GABPB1: variants seen among roughly 807,000 people sequenced by gnomAD.
The protein encoded by GABPB1 is GA binding protein transcription factor subunit beta 1, also known as GA-binding protein subunit beta-1.
A neutral mutation model predicts 45.9 loss-of-function variants in GABPB1; 15 were observed. That is an observed-to-expected ratio of 0.33 (90% CI 0.22 to 0.50). The LOEUF (loss-of-function observed/expected upper bound fraction) is 0.50. Among genes scored for constraint, GABPB1 ranks in the 20% least tolerant of loss-of-function variants. GABPB1 has a pLI of 0.98. For missense variants in GABPB1, 252 were observed against 457.5 expected, an observed-to-expected ratio of 0.55 and a Z score of 4.10; for synonymous variants, 143 against 154.4, an observed-to-expected ratio of 0.93 and a Z score of 0.55.
At chr15:50,318,477 C>G (rs2047429996) in intron 1 of GABPB1, among the ~76,000 whole-genome samples, 1 of 151,954 alleles carries the variant, frequency 6.6e-6, no homozygotes, top group African/African-American at 2.4e-5. Context: ...ATGTATCTCC[C>G]ATATACCCCT....
chr15:50,289,662 G>A lies in GABPB1; in HGVS notation c.704C>T (p.Ala235Val). ...LSNSSETPVV[A>V]TEEVVTAESV... ...TTCTGCAGTAACTACTTCTTCTGTG[G>A]CCACTACTGGAAAAAAAAAAAAGAA... Residue 235 changes from alanine (A) to valine (V), a missense_variant, in exon 7 of 9, where the codon GCC (alanine) becomes GTC (valine). Coordinates refer to ENST00000380877, the MANE Select transcript of GABPB1 (RefSeq NM_016654.5). 1 of 1,598,062 alleles carries A rather than the reference G, an allele frequency of 6.3e-7. No homozygotes were observed. Among genetic ancestry groups the A allele is most frequent in the South Asian group, 1.1e-5 (1 of 88,124 alleles).
chr15:50,294,970 GGAA>G (rs780669333), intron 6 of GABPB1, among the ~76,000 whole-genome samples: 116 of 152,238 alleles, frequency 7.6e-4, no homozygotes, highest in Non-Finnish European at 5.4e-4. Flanking sequence ...TGTACCACAA[GGAA>G]GAATAAAGCT....
At chr15:50,312,873 AT>A (rs542854189) in intron 1 of GABPB1, among the ~76,000 whole-genome samples, 216 of 151,934 alleles carry the variant, frequency 1.4e-3, no homozygotes, top group Non-Finnish European at 2.1e-3. Context: ...TCTTTTTTTT[AT>A]TGATTTGTAA....
At chr15:50,345,856 C>T (rs995998747) in intron 1 of GABPB1, among the ~76,000 whole-genome samples, 4 of 152,172 alleles carry the variant, frequency 2.6e-5, no homozygotes, top group African/African-American at 7.2e-5. Flanking sequence ...GAACTACAGG[C>T]GCTCGCCACC....
chr15:50,287,840 A>G (rs906875198), intron 7 of GABPB1, among the ~76,000 whole-genome samples: 1 of 152,244 alleles, frequency 6.6e-6, no homozygotes, highest in African/African-American at 2.4e-5. Flanking sequence ...ATTTCAGCAG[A>G]GTGGGACAGA....
chr15:50,351,864 A>G (rs928216871), intron 1 of GABPB1: 2 of 152,236 alleles, frequency 1.3e-5, no homozygotes, highest in African/African-American at 4.8e-5. Context: ...CATCTTCAGA[A>G]AACTATAATA....
intron 2 of GABPB1, among the ~76,000 whole-genome samples, 192 bp downstream of exon 2, chr15:50,309,499 A>G (rs2047056406): frequency 6.6e-6 from 1 of 152,230 alleles, no homozygotes; most frequent in African/African-American, 2.4e-5. Flanking sequence ...ATATTTGGAT[A>G]AGGTTGTCCA....
Position 50,303,058 on chromosome 15 carries a change from G to A in GABPB1, c.342C>T (p.His114=), listed in dbSNP as rs768306834. ...KMTALHWATE[H]NHQEVVELLI... is the part of the protein sequence containing the mutation. The stretch of plus-strand genomic sequence containing the variant: ...AAAGTTCCACCACCTCTTGATGATT[G>A]TGTTCTGTGGCCCAATGGAGAGCTG... Residue 114 remains histidine (H), a synonymous_variant, in exon 4 of 9, where the codon CAC becomes CAT. Transcript: ENST00000380877. The A allele has an allele frequency of 3.1e-6, 5 of 1,613,686 alleles. No individual in the cohort carries two copies. The Admixed American group carries it at 8.3e-5, about 27-fold the overall frequency.
intron 1 of GABPB1, among the ~76,000 whole-genome samples, chr15:50,329,343 T>C (rs1237372036): frequency 1.3e-5 from 2 of 152,250 alleles, no homozygotes; most frequent in African/African-American, 4.8e-5. Flanking sequence ...ACATTTATAA[T>C]TCAGGTTCAA....
At chr15:50,291,504 T>C (rs796565603) in intron 6 of GABPB1, among the ~76,000 whole-genome samples, 1 of 151,530 alleles carries the variant, frequency 6.6e-6, no homozygotes, top group East Asian at 1.9e-4. Context: ...TTTTTTTGTA[T>C]TTTTAGTAGA....
intron 8 of GABPB1, 64 bp from the exon 9 acceptor site, chr15:50,278,848 C>T (rs2140957133): frequency 1.6e-6 from 2 of 1,272,318 alleles, no homozygotes; most frequent in East Asian, 5.0e-5. Context: ...TACATATAAG[C>T]ATGCATCCTT....
At chr15:50,296,108 A>C (rs886987059) in intron 6 of GABPB1, among the ~76,000 whole-genome samples, 11 of 152,246 alleles carry the variant, frequency 7.2e-5, no homozygotes, top group African/African-American at 2.4e-4. Flanking sequence ...GACTATCACA[A>C]TTGCCTTCTC....
intron 8 of GABPB1, among the ~76,000 whole-genome samples, chr15:50,284,515 T>C (rs2046092512): frequency 6.6e-6 from 1 of 152,212 alleles, no homozygotes; most frequent in Admixed American, 6.5e-5. Context: ...CAATTCATAC[T>C]TCCCTGTTAT....
At chr15:50,322,104 G>C (rs745428004) in intron 1 of GABPB1, among the ~76,000 whole-genome samples, 2 of 152,150 alleles carry the variant, frequency 1.3e-5, no homozygotes, top group Admixed American at 6.5e-5. Context: ...GACCTGCCCA[G>C]TTAGCATAGA....
At position 50,276,545 on chromosome 15, in the gene GABPB1, C is replaced by T. The variant is rs2045840765; in HGVS notation, c.*2087G>A. 1.3e-5 allele frequency: 2 copies of T among 149,298 alleles called. No individual in the cohort carries two copies. Among genetic ancestry groups the T allele is most frequent in the Admixed American group, 1.3e-4 (2 of 15,234 alleles). The allele number at this position is 149,298 out of a possible 1,614,324, so 9.2% of individuals were successfully genotyped here. On this transcript the variant is annotated 3_prime_UTR_variant, in exon 9 of 9. Coordinates refer to ENST00000380877, the MANE Select transcript of GABPB1 (RefSeq NM_016654.5). Reference sequence around the variant, plus strand: ...CACCAATTATTTTCTCCCATCTATGCCAGCTGTTGTTATTAGGAATCAAAA... The same window carrying T: ...CACCAATTATTTTCTCCCATCTATGTCAGCTGTTGTTATTAGGAATCAAAA...
chr15:50,318,822 A>G (rs755266240), intron 1 of GABPB1, among the ~76,000 whole-genome samples: 1 of 152,230 alleles, frequency 6.6e-6, no homozygotes. Context: ...ATTTTTCAGA[A>G]GGGAGAAAAA....
In GABPB1 at chr15:50,278,314, G is replaced by A. The variant is rs1296498975; in HGVS notation, c.*318C>T. 5.6e-6 allele frequency: 1 copy of A among 177,302 alleles called. No homozygotes were observed. The highest frequency in any genetic ancestry group is 1.2e-5 in the Non-Finnish European group (1 of 84,536). The allele number at this position is 177,302 out of a possible 1,614,324, so 11.0% of individuals were successfully genotyped here. A position where few individuals can be genotyped will look rare whatever the true frequency, so the allele number is the denominator to read the frequency against. ...AACTGTTCCGTTTCTGAGAAATTAA[G>A]GTTTGTACTAAAATCAAAAAGAATT... On this transcript the variant is annotated 3_prime_UTR_variant, in exon 9 of 9. Coordinates refer to ENST00000380877, the MANE Select transcript of GABPB1 (RefSeq NM_016654.5).
chr15:50,351,757 T>G (rs1184395989), intron 1 of GABPB1: 1 of 152,146 alleles, frequency 6.6e-6, no homozygotes, highest in Non-Finnish European at 1.5e-5. Context: ...CTTCTTTGTA[T>G]AGAGCACTGT....
In GABPB1 at chr15:50,304,102, T is replaced by C. The variant is rs773948282; in HGVS notation, c.140A>G (p.Gln47Arg). ...LGTSPLHLAA[Q>R]YGHYSTTEVL... ...CTCTGTGGTGGAATAATGACCATAC[T>C]GTGCTGCTAGATGAAGTGGAGAAGT... The change falls in exon 3 of 9, where the codon CAG becomes CGG. Residue 47 changes from glutamine to arginine, a missense_variant. Coordinates refer to ENST00000380877, the MANE Select transcript of GABPB1 (RefSeq NM_016654.5). The C allele has an allele frequency of 1.2e-6, 2 of 1,604,586 alleles. No homozygotes were observed. Among genetic ancestry groups the C allele is most frequent in the African/African-American group, 1.3e-5 (1 of 74,472 alleles).
Sources: gnomAD v4.1 joint callset for allele counts (sites outside exome capture counted in the v4.1 genomes callset) on GRCh38, gnomAD v4.1.1 for gene constraint, MANE v1.5 for transcripts, NCBI Gene and HGNC (gene_info 2026-07-23, HGNC 2026-07-21) for gene names.